PRR16: variants seen among roughly 807,000 people sequenced by gnomAD.
PRR16 encodes the protein protein Largen.
PRR16 carries 6 observed loss-of-function variants against 18.2 expected under a neutral mutation model. The observed-to-expected ratio is 0.33, with a 90% CI of 0.18 to 0.65. The LOEUF (loss-of-function observed/expected upper bound fraction) is 0.65, where lower values mean the gene tolerates loss of function less well. PRR16 is among the 30% of genes least tolerant of loss of function. PRR16 has a pLI of 0.74. For missense variants in PRR16, 412 were observed against 376.6 expected, an observed-to-expected ratio of 1.09 and a Z score of -0.78; for synonymous variants, 151 against 147.8, an observed-to-expected ratio of 1.02 and a Z score of -0.16.
intron 1 of PRR16, among the ~76,000 whole-genome samples, chr5:120,544,675 C>T (rs1752020808): frequency 6.6e-6 from 1 of 152,008 alleles, no homozygotes; most frequent in Admixed American, 6.6e-5. Flanking sequence ...ATCACACTCA[C>T]ATTCATAAAG....
the PRR16 span, among the ~76,000 whole-genome samples, chr5:120,753,548 AT>A: frequency 6.6e-6 from 1 of 151,646 alleles, no homozygotes; most frequent in African/African-American, 2.4e-5. Flanking sequence ...CTGTGTGTTT[AT>A]TTTTTATTAA....
intron 1 of PRR16, among the ~76,000 whole-genome samples, chr5:120,578,411 G>A (rs6878116): frequency 0.19 from 28,388 of 151,782 alleles, 3,570 homozygotes; most frequent in Non-Finnish European, 0.28. Flanking sequence ...CTCCACCCCC[G>A]AAAAGGCCCT....
At chr5:120,748,067 T>A in the PRR16 span, among the ~76,000 whole-genome samples, 1 of 152,118 alleles carries the variant, frequency 6.6e-6, no homozygotes, top group African/African-American at 2.4e-5. Context: ...CTATCAGATC[T>A]CTATTTGGGA....
chr5:120,702,256 ACGGAAATAAGGGGTC>A, the PRR16 span, among the ~76,000 whole-genome samples: 2 of 71,662 alleles, frequency 2.8e-5, no homozygotes, highest in Non-Finnish European at 6.3e-5. Flanking sequence ...GGGTCGGGGC[ACGGAAATAAGGGGTC>A]GGGGCATGGA....
chr5:120,618,956 T>C (rs1754600230), intron 1 of PRR16, among the ~76,000 whole-genome samples: 1 of 146,688 alleles, frequency 6.8e-6, no homozygotes, highest in South Asian at 2.3e-4. Context: ...ACATGACTTT[T>C]ATGCAAAAAG....
the PRR16 span, among the ~76,000 whole-genome samples, chr5:120,772,746 A>G: frequency 6.6e-6 from 1 of 152,056 alleles, no homozygotes; most frequent in Non-Finnish European, 1.5e-5. Flanking sequence ...TTCACATCAG[A>G]CTATCTCATT....
Position 120,595,452 on chromosome 5 carries a change from A to G in PRR16, c.160-90502A>G, listed in dbSNP as rs536095223. ...AAAAAGTCAAAAAAAAAATAAAAAG[A>G]TGTTGGTGTGGTTGTGGAGAAAAGG... On this transcript the variant is annotated intron_variant, in intron 1 of 1. Transcript: ENST00000407149. 1.1e-3 allele frequency among the ~76,000 whole-genome samples: 171 copies of G among 151,812 alleles called. 1 individual carries two copies. Among genetic ancestry groups the G allele is most frequent in the African/African-American group, 4.1e-3 (169 of 41,478 alleles).
the PRR16 span, among the ~76,000 whole-genome samples, chr5:120,753,976 A>AAT: frequency 8.2e-6 from 1 of 122,448 alleles, no homozygotes; most frequent in African/African-American, 3.2e-5. Context: ...TATGTTATAT[A>AAT]ATATAATATA....
chr5:120,617,166 A>G, intron 1 of PRR16: 1 of 985,410 alleles, frequency 1.0e-6, no homozygotes, highest in Non-Finnish European at 1.2e-6. Flanking sequence ...TACAGTGACA[A>G]CAGGACATCA....
chr5:120,777,935 CTG>C, the PRR16 span, among the ~76,000 whole-genome samples: 3 of 152,072 alleles, frequency 2.0e-5, no homozygotes, highest in Admixed American at 6.5e-5. Context: ...GAACCAAACA[CTG>C]AAACTACTTT....
At chr5:120,560,338 T>TA (rs1391106180) in intron 1 of PRR16, among the ~76,000 whole-genome samples, 1 of 152,028 alleles carries the variant, frequency 6.6e-6, no homozygotes, top group Non-Finnish European at 1.5e-5. Flanking sequence ...TAAGGGTTTT[T>TA]ATCATGAAGG....
chr5:120,604,904 G>T (rs1326718322), intron 1 of PRR16, among the ~76,000 whole-genome samples: 1 of 152,154 alleles, frequency 6.6e-6, no homozygotes, highest in African/African-American at 2.4e-5. Flanking sequence ...AAAATTCACT[G>T]TTAGACTGCT....
chr5:120,506,375 A>T (rs752036042), intron 1 of PRR16, among the ~76,000 whole-genome samples: 6 of 152,132 alleles, frequency 3.9e-5, no homozygotes, highest in African/African-American at 9.7e-5. Flanking sequence ...ATTTCTAAAG[A>T]TAAATAAATA....
intron 1 of PRR16, among the ~76,000 whole-genome samples, chr5:120,599,353 G>A (rs764042079): frequency 2.6e-5 from 4 of 151,534 alleles, no homozygotes; most frequent in Non-Finnish European, 5.9e-5. Context: ...CTATTACTGT[G>A]GTGGATTTCT....
chr5:120,573,059 C>G (rs2112739082), intron 1 of PRR16, among the ~76,000 whole-genome samples: 1 of 152,192 alleles, frequency 6.6e-6, no homozygotes, highest in African/African-American at 2.4e-5. Flanking sequence ...CCTCTTGTCT[C>G]CCAAAATGAA....
intron 1 of PRR16, among the ~76,000 whole-genome samples, chr5:120,624,043 T>C (rs1166136274): frequency 6.6e-6 from 1 of 152,178 alleles, no homozygotes; most frequent in Non-Finnish European, 1.5e-5. Flanking sequence ...TGCATCACTA[T>C]CTTCCCAAGG....
intron 1 of PRR16, among the ~76,000 whole-genome samples, chr5:120,535,586 G>C (rs1262260003): frequency 2.0e-5 from 3 of 152,150 alleles, no homozygotes; most frequent in Non-Finnish European, 4.4e-5. Flanking sequence ...GATCGCTTGA[G>C]CTCGAGAGTT....
At chr5:120,716,509 C>G in the PRR16 span, among the ~76,000 whole-genome samples, 1 of 152,148 alleles carries the variant, frequency 6.6e-6, no homozygotes, top group Non-Finnish European at 1.5e-5. Flanking sequence ...CCTTTAAAGA[C>G]AAAATTGCGT....
chr5:120,720,621 C>G, the PRR16 span, among the ~76,000 whole-genome samples: 1 of 151,850 alleles, frequency 6.6e-6, no homozygotes, highest in Non-Finnish European at 1.5e-5. Context: ...TTTCTCTTTC[C>G]TACTTTTTGA....
Sources: allele counts gnomAD v4.1 joint callset (sites outside exome capture counted in the v4.1 genomes callset), GRCh38; gene constraint gnomAD v4.1.1; transcripts MANE v1.5; gene names NCBI Gene and HGNC (gene_info 2026-07-23, HGNC 2026-07-21).